The following RNF216 variants were observed in gnomAD, a reference collection of about 807,000 sequenced individuals.
RNF216 encodes E3 ubiquitin-protein ligase RNF216.
RNF216 carries 72 observed loss-of-function variants against 110.8 expected under a neutral mutation model. That is an observed-to-expected ratio of 0.65 (90% CI 0.54 to 0.79). The LOEUF (loss-of-function observed/expected upper bound fraction) is 0.79. RNF216 is among the 30% of genes least tolerant of loss of function. RNF216 has a pLI of 0.00. For missense variants in RNF216, 1,342 were observed against 1,141.2 expected (o/e 1.18, Z -2.54); for synonymous variants, 495 against 407.5 (o/e 1.21, Z -2.59).
At chr7:5,762,607 G>A (rs1050249924) in intron 1 of RNF216, among the ~76,000 whole-genome samples, 2 of 151,972 alleles carry the variant, frequency 1.3e-5, no homozygotes, top group Non-Finnish European at 2.9e-5. Flanking sequence ...CAGGAGAATG[G>A]CATGAACCCG....
intron 1 of RNF216, among the ~76,000 whole-genome samples, chr7:5,766,148 C>T (rs758465921): frequency 4.0e-5 from 6 of 151,666 alleles, no homozygotes; most frequent in African/African-American, 1.5e-4. Flanking sequence ...AAACTAGCTG[C>T]GCGGGGTGGC....
chr7:5,779,229 C>G (rs1476364314), intron 1 of RNF216, among the ~76,000 whole-genome samples: 1 of 152,156 alleles, frequency 6.6e-6, no homozygotes, highest in East Asian at 1.9e-4. Flanking sequence ...TTCGATCTGC[C>G]TCACTCACAC....
intron 13 of RNF216, among the ~76,000 whole-genome samples, chr7:5,663,595 A>G (rs1380086475): frequency 8.7e-5 from 13 of 149,686 alleles, no homozygotes; most frequent in Non-Finnish European, 1.2e-4. Context: ...GGAAAAAAAA[A>G]AAAAAAAAAA....
At chr7:5,691,141 GTA>G (rs1319868918) in intron 13 of RNF216, among the ~76,000 whole-genome samples, 4 of 152,170 alleles carry the variant, frequency 2.6e-5, no homozygotes, top group Admixed American at 2.6e-4. Context: ...AACCGTGTGT[GTA>G]GACGGTGAGC....
rs1375551131 is a variant in RNF216 at position 5,624,478 on chromosome 7, A to G, written c.2383-353T>C. Among the ~76,000 whole-genome samples, 2 of 152,254 alleles carry G rather than the reference A, an allele frequency of 1.3e-5. No homozygotes were observed. The highest frequency in any genetic ancestry group is 4.8e-5 in the African/African-American group (2 of 41,470). ...GAGAGGGCTGGGTCTGAGTGGGCAC[A>G]GCCTGAAAAGTTTCAGATCCCAAGT... On this transcript the variant is annotated intron_variant, in intron 15 of 16. Transcript: ENST00000389902. The surrounding 1 kb of genome is among the most constrained non-coding windows in gnomAD (Gnocchi z 4.4).
intron 9 of RNF216, among the ~76,000 whole-genome samples, chr7:5,718,183 C>G (rs1304929257): frequency 6.6e-6 from 1 of 152,014 alleles, no homozygotes; most frequent in Non-Finnish European, 1.5e-5. Flanking sequence ...GAGTTTGACA[C>G]CAGCCTGGTC....
chr7:5,637,010 C>T (rs549798036), intron 15 of RNF216, among the ~76,000 whole-genome samples: 23 of 152,274 alleles, frequency 1.5e-4, no homozygotes, highest in African/African-American at 5.5e-4. Flanking sequence ...TGTTAACACC[C>T]ACCCTCACGC....
chr7:5,723,655 A>AAAAT lies in RNF216; in HGVS notation c.1504+1665_1504+1668dup, dbSNP rs567630421. On this transcript the variant is annotated intron_variant, in intron 8 of 16. Coordinates refer to ENST00000389902, the MANE Select transcript of RNF216 (RefSeq NM_207111.4). ...GAGCAAGACTCCGTCTCAAAAAAAA[A>AAAAT]AAATAAATAAATAAATGCAATTAAG... Among the ~76,000 whole-genome samples, 668 of 152,106 alleles carry AAAAT rather than the reference A, an allele frequency of 4.4e-3. 2 individuals are homozygous for AAAAT. The highest frequency in any genetic ancestry group is 0.014 in the African/African-American group (594 of 41,468).
At chr7:5,780,233 A>G (rs984713736) in intron 1 of RNF216, 6 of 152,180 alleles carry the variant, frequency 3.9e-5, no homozygotes, top group Admixed American at 2.0e-4. Flanking sequence ...AAGAAACCCC[A>G]TTTTTGAGGC....
chr7:5,763,602 T>C (rs981388575), intron 1 of RNF216, among the ~76,000 whole-genome samples: 2 of 152,064 alleles, frequency 1.3e-5, no homozygotes, highest in Non-Finnish European at 2.9e-5. Context: ...AGCCAGTCTC[T>C]CTCTGTCATC....
chr7:5,718,647 T>A (rs7455961), intron 9 of RNF216, among the ~76,000 whole-genome samples: 25 of 151,974 alleles, frequency 1.6e-4, no homozygotes, highest in Admixed American at 5.2e-4. Context: ...ACCTCCCATG[T>A]TCAAGCAATT....
intron 15 of RNF216, among the ~76,000 whole-genome samples, chr7:5,631,339 C>T (rs1318552685): frequency 6.6e-6 from 1 of 152,156 alleles, no homozygotes; most frequent in African/African-American, 2.4e-5. Context: ...TCCTCTTGCC[C>T]AGAGTGGGAG....
intron 1 of RNF216, among the ~76,000 whole-genome samples, chr7:5,768,824 G>C (rs1159273003): frequency 1.3e-5 from 2 of 151,698 alleles, no homozygotes; most frequent in Non-Finnish European, 2.9e-5. Context: ...ACCACGCCCG[G>C]CTATTTTTTT....
intron 7 of RNF216, among the ~76,000 whole-genome samples, chr7:5,727,844 T>A (rs1793853311): frequency 6.6e-6 from 1 of 151,850 alleles, no homozygotes; most frequent in South Asian, 2.1e-4. Flanking sequence ...AGGAGTCCTC[T>A]CTTCTCACCT....
At chr7:5,766,111 C>T (rs539747100) in intron 1 of RNF216, among the ~76,000 whole-genome samples, 26 of 152,094 alleles carry the variant, frequency 1.7e-4, no homozygotes, top group African/African-American at 5.8e-4. Context: ...TAGCTAGACC[C>T]TGTCTCTACG....
At chr7:5,668,902 C>T (rs1326867516) in intron 13 of RNF216, among the ~76,000 whole-genome samples, 3 of 152,170 alleles carry the variant, frequency 2.0e-5, no homozygotes, top group Admixed American at 1.3e-4. Flanking sequence ...ATACTATCCA[C>T]CTGATGCCTC....
chr7:5,649,253 G>T (rs1020417409), intron 14 of RNF216, among the ~76,000 whole-genome samples: 1 of 151,990 alleles, frequency 6.6e-6, no homozygotes, highest in Non-Finnish European at 1.5e-5. Context: ...TTAGCTGGGC[G>T]TGGTAGCAGG....
In RNF216 at chr7:5,624,362, G is replaced by A. The variant is rs1352840121; in HGVS notation, c.2383-237C>T. Among the ~76,000 whole-genome samples, 1 of 152,258 alleles carries A rather than the reference G, an allele frequency of 6.6e-6. No individual in the cohort carries two copies. The highest frequency in any genetic ancestry group is 2.4e-5 in the African/African-American group (1 of 41,468). On this transcript the variant is annotated intron_variant, in intron 15 of 16. Transcript: ENST00000389902. The surrounding 1 kb of genome is among the most constrained non-coding windows in gnomAD (Gnocchi z 4.4). The stretch of plus-strand genomic sequence containing the variant: ...TCCACAAGGCTGGGCAGAGGGGTCT[G>A]AGCATGGCAGGCAGCTGCCTGGTGA...
At chr7:5,761,851 A>T (rs1420570986) in intron 1 of RNF216, among the ~76,000 whole-genome samples, 2 of 152,210 alleles carry the variant, frequency 1.3e-5, no homozygotes. Flanking sequence ...TATGTAAGAC[A>T]TGGGAAATCA....
Sources: allele counts gnomAD v4.1 joint callset (sites outside exome capture counted in the v4.1 genomes callset), GRCh38; gene constraint gnomAD v4.1.1; non-coding constraint Gnocchi (gnomAD v3.1); transcripts MANE v1.5; gene names NCBI Gene and HGNC (gene_info 2026-07-23, HGNC 2026-07-21).